The following CAMK4 variants were observed in gnomAD, a reference collection of about 807,000 sequenced individuals.
CAMK4 encodes calcium/calmodulin-dependent protein kinase type IV.
In CAMK4, 22 loss-of-function variants were observed where a neutral mutation model predicts 44.9. The ratio of observed to expected loss-of-function variants is 0.49; its 90% CI spans 0.35 to 0.70. CAMK4 has a LOEUF of 0.70. Ranked by LOEUF, CAMK4 falls within the 30% of genes least tolerant of loss-of-function variation. The pLI is 0.01. For synonymous variants in CAMK4, 218 were observed against 215.4 expected, an observed-to-expected ratio of 1.01 and a Z score of -0.11; for missense variants, 498 against 586.8, an observed-to-expected ratio of 0.85 and a Z score of 1.56.
intron 1 of CAMK4, among the ~76,000 whole-genome samples, chr5:111,319,241 A>G (rs1748560317): frequency 6.6e-6 from 1 of 152,176 alleles, no homozygotes; most frequent in African/African-American, 2.4e-5. Context: ...TGATTAATTT[A>G]TCAATTGAAA....
chr5:111,245,634 T>G (rs1749199662), intron 1 of CAMK4, among the ~76,000 whole-genome samples: 2 of 152,262 alleles, frequency 1.3e-5, no homozygotes, highest in South Asian at 4.1e-4. Flanking sequence ...TGAGTTTCAC[T>G]TGACTTCTCC....
intron 1 of CAMK4, among the ~76,000 whole-genome samples, chr5:111,325,117 A>G (rs1748825618): frequency 2.0e-5 from 3 of 151,286 alleles, no homozygotes; most frequent in East Asian, 2.0e-4. Context: ...TTCTGTTCCT[A>G]TGTTAGTTTG....
intron 1 of CAMK4, among the ~76,000 whole-genome samples, chr5:111,321,883 A>C (rs1748678128): frequency 6.6e-6 from 1 of 152,140 alleles, no homozygotes; most frequent in African/African-American, 2.4e-5. Context: ...TTCAATCACA[A>C]GTTTTGTCAA....
At chr5:111,464,899 G>A (rs958674455) in intron 7 of CAMK4, among the ~76,000 whole-genome samples, 36 of 152,252 alleles carry the variant, frequency 2.4e-4, no homozygotes, top group African/African-American at 7.7e-4. Context: ...AACTTAACAG[G>A]AGTCTTCCTT....
intron 5 of CAMK4, among the ~76,000 whole-genome samples, chr5:111,438,108 T>C (rs934645386): frequency 6.6e-6 from 1 of 152,196 alleles, no homozygotes; most frequent in African/African-American, 2.4e-5. Flanking sequence ...AATTTTTGAC[T>C]TGAACACTTA....
chr5:111,319,087 C>T (rs1015953488), intron 1 of CAMK4, among the ~76,000 whole-genome samples: 1 of 152,134 alleles, frequency 6.6e-6, no homozygotes, highest in Admixed American at 6.6e-5. Context: ...ATGAAAGACA[C>T]TAGCTTGTCA....
rs1243600130 is a variant in CAMK4 at position 111,493,495 on chromosome 5, C to A, written c.*9029C>A. 1 of 152,144 alleles carries A rather than the reference C, an allele frequency of 6.6e-6. No individual in the cohort carries two copies. The highest frequency in any genetic ancestry group is 1.9e-4 in the East Asian group (1 of 5,192). The allele number at this position is 152,144 out of a possible 1,614,324, so 9.4% of individuals were successfully genotyped here. ...GTTATTGCTGACCTCATTTTTTCAA[C>A]CTTTTCAGTTATTTGACCTGAATAG... On this transcript the variant is annotated 3_prime_UTR_variant, in exon 11 of 11. Coordinates refer to ENST00000282356, the MANE Select transcript of CAMK4 (RefSeq NM_001744.6). The surrounding 1 kb of genome is among the most constrained non-coding windows in gnomAD (Gnocchi z 4.1).
At chr5:111,459,034 C>T (rs1561500577) in intron 7 of CAMK4, among the ~76,000 whole-genome samples, 2 of 151,906 alleles carry the variant, frequency 1.3e-5, no homozygotes, top group African/African-American at 4.9e-5. Context: ...GACATGTGGG[C>T]AGAAGGGAAT....
chr5:111,263,102 A>G (rs542632102), intron 1 of CAMK4, among the ~76,000 whole-genome samples: 4 of 152,344 alleles, frequency 2.6e-5, no homozygotes, highest in South Asian at 2.1e-4. Context: ...AAAAGAGATC[A>G]TAGTTCATGT....
At chr5:111,418,458 A>G (rs936195050) in intron 5 of CAMK4, among the ~76,000 whole-genome samples, 5 of 150,638 alleles carry the variant, frequency 3.3e-5, no homozygotes, top group African/African-American at 1.2e-4. Context: ...TTTTTTTTAT[A>G]TACTTTAAGT....
In CAMK4 at chr5:111,285,546, G is replaced by A. The variant is rs142053092; in HGVS notation, c.162-58478G>A. ...ACATAATGATGTCACCCACTGTGGT[G>A]TAAGCATGGCTGCAATGGATGTAAT... On this transcript the variant is annotated intron_variant, in intron 1 of 10. Transcript: ENST00000282356. Among the ~76,000 whole-genome samples the A allele has an allele frequency of 2.2e-3, 331 of 152,328 alleles. 1 individual carries two copies. The highest frequency in any genetic ancestry group is 3.9e-3 in the Admixed American group (59 of 15,300).
At chr5:111,288,219 A>G (rs1353947252) in intron 1 of CAMK4, among the ~76,000 whole-genome samples, 1 of 152,220 alleles carries the variant, frequency 6.6e-6, no homozygotes, top group Non-Finnish European at 1.5e-5. Flanking sequence ...ATTCTGCTCA[A>G]GGCCAGTTGG....
intron 4 of CAMK4, among the ~76,000 whole-genome samples, chr5:111,382,788 T>C (rs1049702441): frequency 6.6e-6 from 1 of 152,194 alleles, no homozygotes; most frequent in African/African-American, 2.4e-5. Flanking sequence ...TATATAATTT[T>C]GCTACCATGT....
At position 111,434,225 on chromosome 5, in the gene CAMK4, G is replaced by A. The variant is rs143065502; in HGVS notation, c.460-12461G>A. The stretch of plus-strand genomic sequence containing the variant: ...GGAGAATCGCTTGAATCTGGGAGGC[G>A]GAGGTTGCAGTGAGCCAAGATCGCG... On this transcript the variant is annotated intron_variant, in intron 5 of 10. Coordinates refer to ENST00000282356, the MANE Select transcript of CAMK4 (RefSeq NM_001744.6). Among the ~76,000 whole-genome samples the A allele has an allele frequency of 2.8e-3, 418 of 151,798 alleles. 2 individuals are homozygous for A. The highest frequency in any genetic ancestry group is 9.5e-3 in the African/African-American group (393 of 41,372).
chr5:111,380,089 T>G (rs140250264), intron 4 of CAMK4, among the ~76,000 whole-genome samples: 1 of 152,142 alleles, frequency 6.6e-6, no homozygotes, highest in African/African-American at 2.4e-5. Context: ...ATCATTTTCA[T>G]TGAATTATTG....
chr5:111,255,170 T>A (rs1228129192), intron 1 of CAMK4, among the ~76,000 whole-genome samples: 2 of 152,194 alleles, frequency 1.3e-5, no homozygotes, highest in Non-Finnish European at 2.9e-5. Flanking sequence ...AGGTCTAATT[T>A]TGTAGTTGCA....
chr5:111,464,197 G>A (rs998281408), intron 7 of CAMK4, among the ~76,000 whole-genome samples: 3 of 151,742 alleles, frequency 2.0e-5, no homozygotes, highest in Admixed American at 1.3e-4. Flanking sequence ...AAATGCACTG[G>A]AAAGTCTCAG....
rs558040766 is a variant in CAMK4, at chr5:111,394,755, C to T, written c.432C>T (p.Ala144=). 15 of 1,612,254 alleles carry T rather than the reference C, an allele frequency of 9.3e-6. No homozygotes were observed. Among genetic ancestry groups the T allele is most frequent in the Admixed American group, 3.3e-5 (2 of 59,890 alleles). The stretch of plus-strand genomic sequence containing the variant: ...ACAGTGAGCGAGATGCTGCAGATGC[C>T]GTTAAACAAATCCTGGAGGCAGTTG... ...GYYSERDAAD[A]VKQILEAVAY... Residue 144 remains alanine, a synonymous_variant, in exon 5 of 11, where the codon GCC becomes GCT. Coordinates refer to ENST00000282356, the MANE Select transcript of CAMK4 (RefSeq NM_001744.6).
intron 1 of CAMK4, among the ~76,000 whole-genome samples, chr5:111,330,300 G>A (rs1644506): frequency 0.42 from 63,258 of 151,046 alleles, 13,767 homozygotes; most frequent in South Asian, 0.56. Context: ...AGACATAAAA[G>A]ACTTTTACTA....
Sources: gnomAD v4.1 joint callset for allele counts (sites outside exome capture counted in the v4.1 genomes callset) on GRCh38, gnomAD v4.1.1 for gene constraint, Gnocchi (gnomAD v3.1) non-coding constraint, MANE v1.5 for transcripts, NCBI Gene and HGNC (gene_info 2026-07-23, HGNC 2026-07-21) for gene names.